Variants in CRYBG1 observed in about 807,000 individuals in gnomAD.
CRYBG1 encodes beta/gamma crystallin domain-containing protein 1.
In CRYBG1, 139 loss-of-function variants were observed where a neutral mutation model predicts 189.2. The ratio of observed to expected loss-of-function variants is 0.73; its 90% CI spans 0.64 to 0.85. The LOEUF is 0.85. CRYBG1 is among the 40% of genes least tolerant of loss of function. CRYBG1 has a pLI of 0.00. For missense variants in CRYBG1, 2,611 were observed against 2,675.8 expected (o/e 0.98, Z 0.53); for synonymous variants, 1,023 against 1,017.1 (o/e 1.01, Z -0.11).
Position 106,561,267 on chromosome 6 carries a change from TC to T in CRYBG1, c.5980-73del. The T allele has an allele frequency of 5.4e-6, 8 of 1,485,848 alleles. No homozygotes were observed. In the South Asian group the frequency reaches 1.0e-4, roughly 19 times the overall value. 92.0% of individuals were successfully genotyped at this position (1,485,848 alleles called of 1,614,324 possible). ...TAATCCATATCTCACTTTGGATTCT[TC>T]CTGATATTCATGCTTGTTCAGTGCT... On this transcript the variant is annotated intron_variant, in intron 19 of 21. Transcript: ENST00000633556.
chr6:106,530,915 A>G (rs35843244), intron 8 of CRYBG1, among the ~76,000 whole-genome samples: 35,247 of 152,240 alleles, frequency 0.23, 4,302 homozygotes, highest in South Asian at 0.35. Flanking sequence ...GAGATGCAGG[A>G]AAAAACACTA....
chr6:106,374,779 T>G (rs1048414988), intron 1 of CRYBG1, among the ~76,000 whole-genome samples: 2 of 152,192 alleles, frequency 1.3e-5, no homozygotes, highest in East Asian at 3.8e-4. Flanking sequence ...TATATATAGA[T>G]AGACACATTC....
In CRYBG1 at chr6:106,438,324, G is replaced by A. The variant is rs558049354; in HGVS notation, c.174-13370G>A. On this transcript the variant is annotated intron_variant, in intron 1 of 21. Coordinates refer to ENST00000633556, the MANE Select transcript of CRYBG1 (RefSeq NM_001371242.2). ...ATGCACATTCACGTTGGGGTAGCGTGGTATATTAGTTTCCTGGGGTAGCTA... is the reference window on the plus strand; with the variant it reads ...ATGCACATTCACGTTGGGGTAGCGTAGTATATTAGTTTCCTGGGGTAGCTA... 3.3e-5 allele frequency among the ~76,000 whole-genome samples: 5 copies of A among 152,284 alleles called. No homozygotes were observed. In the South Asian group the frequency reaches 1.0e-3, roughly 32 times the overall value.
chr6:106,521,123 C>T lies in CRYBG1; in HGVS notation c.3915C>T (p.Pro1305=), dbSNP rs200461385. 403 of 1,614,082 alleles carry T rather than the reference C, an allele frequency of 2.5e-4. 2 individuals are homozygous for T. In the East Asian group the frequency reaches 7.9e-3, roughly 32 times the overall value. Residue 1305 remains proline (P), a synonymous_variant, in exon 4 of 22, where the codon CCC becomes CCT. Transcript: ENST00000633556. ...GLNKEQSNLL[P]DNSLKVFNFN... ...ACAAAGAACAGTCAAATCTTCTGCC[C>T]GACAACTCCTTAAAGGTCTTCAATT...
intron 2 of CRYBG1, among the ~76,000 whole-genome samples, chr6:106,507,913 G>A (rs1296522526): frequency 6.6e-6 from 1 of 152,098 alleles, no homozygotes; most frequent in Non-Finnish European, 1.5e-5. Flanking sequence ...CCCTGTCAAC[G>A]AGTCTATCAT....
At chr6:106,490,579 AT>A (rs1257029956) in intron 2 of CRYBG1, among the ~76,000 whole-genome samples, 5 of 152,118 alleles carry the variant, frequency 3.3e-5, no homozygotes, top group African/African-American at 1.2e-4. Context: ...GTTTATATGA[AT>A]TTTTTTCCAA....
At chr6:106,404,261 T>C (rs1770774933) in intron 1 of CRYBG1, among the ~76,000 whole-genome samples, 1 of 152,220 alleles carries the variant, frequency 6.6e-6, no homozygotes, top group Non-Finnish European at 1.5e-5. Flanking sequence ...TCATCACTGG[T>C]CTGGCAATCT....
chr6:106,554,181 G>A (rs146468827), intron 16 of CRYBG1, among the ~76,000 whole-genome samples: 1 of 152,314 alleles, frequency 6.6e-6, no homozygotes, highest in African/African-American at 2.4e-5. Context: ...GGAGCAATCT[G>A]TGCAAGAGGT....
chr6:106,543,476 T>C lies in CRYBG1; in HGVS notation c.4918T>C (p.Cys1640Arg). 6.2e-7 allele frequency: 1 copy of C among 1,613,862 alleles called. No homozygotes were observed. Among genetic ancestry groups the C allele is most frequent in the Non-Finnish European group, 8.5e-7 (1 of 1,179,836 alleles). The change falls in exon 11 of 22, where the codon TGT (cysteine) becomes CGT (arginine). Residue 1640 changes from cysteine to arginine, a missense_variant. Physicochemically the swap from Cys to Arg is radical, Grantham distance 180. This residue lies in a region of CRYBG1 where 1,622 missense variants were observed against 1,735.0 expected (regional missense o/e 0.93). Coordinates refer to ENST00000633556, the MANE Select transcript of CRYBG1 (RefSeq NM_001371242.2). ...VYEKPFFEGK[C>R]VELETGMCSF... ...TGAAAAGCCTTTCTTTGAAGGAAAA[T>C]GTGTGGAACTAGAAACAGGAATGTG... is the stretch of plus-strand genomic sequence containing the variant.
At chr6:106,403,139 A>G (rs890024172) in intron 1 of CRYBG1, among the ~76,000 whole-genome samples, 1 of 152,130 alleles carries the variant, frequency 6.6e-6, no homozygotes, top group Non-Finnish European at 1.5e-5. Flanking sequence ...GTTTGAGACT[A>G]GCCTGGGCAA....
intron 2 of CRYBG1, among the ~76,000 whole-genome samples, chr6:106,483,725 T>C (rs1404781442): frequency 6.6e-6 from 1 of 152,162 alleles, no homozygotes; most frequent in East Asian, 1.9e-4. Flanking sequence ...TGGAATAAGG[T>C]GATAACTCAT....
intron 1 of CRYBG1, among the ~76,000 whole-genome samples, chr6:106,384,576 G>T (rs1372049130): frequency 6.6e-6 from 1 of 152,018 alleles, no homozygotes; most frequent in African/African-American, 2.4e-5. Flanking sequence ...CATTTTGCTT[G>T]CAGTCACTGA....
intron 1 of CRYBG1, among the ~76,000 whole-genome samples, chr6:106,441,080 G>A (rs1364579501): frequency 6.6e-6 from 1 of 152,142 alleles, no homozygotes; most frequent in African/African-American, 2.4e-5. Flanking sequence ...AATTAGACTT[G>A]ATGGAATTTG....
At chr6:106,491,477 T>C (rs1772721222) in intron 2 of CRYBG1, among the ~76,000 whole-genome samples, 1 of 152,166 alleles carries the variant, frequency 6.6e-6, no homozygotes, top group African/African-American at 2.4e-5. Context: ...TTGTGGCCAT[T>C]TCCACTGAGA....
At chr6:106,541,081 C>T (rs999387368) in intron 9 of CRYBG1, 1 of 323,268 alleles carries the variant, frequency 3.1e-6, no homozygotes, top group South Asian at 2.6e-5. Flanking sequence ...TTTCGTAAGC[C>T]CTGGTTGCAA....
At chr6:106,453,810 G>A (rs547533539) in intron 2 of CRYBG1, among the ~76,000 whole-genome samples, 1 of 152,316 alleles carries the variant, frequency 6.6e-6, no homozygotes, top group African/African-American at 2.4e-5. Context: ...CCAAGGCCAA[G>A]CCAAAAATGT....
intron 1 of CRYBG1, among the ~76,000 whole-genome samples, chr6:106,413,553 T>C (rs1770968862): frequency 6.6e-6 from 1 of 152,088 alleles, no homozygotes; most frequent in Non-Finnish European, 1.5e-5. Context: ...GGTGTGCACC[T>C]GTAATCCCAG....
At chr6:106,515,345 T>A (rs908866891) in intron 3 of CRYBG1, among the ~76,000 whole-genome samples, 1 of 152,238 alleles carries the variant, frequency 6.6e-6, no homozygotes, top group African/African-American at 2.4e-5. Context: ...CACAACTTAA[T>A]AGCACAGAAA....
intron 1 of CRYBG1, among the ~76,000 whole-genome samples, chr6:106,410,900 C>G (rs1396111572): frequency 2.6e-5 from 4 of 152,072 alleles, no homozygotes; most frequent in African/African-American, 9.7e-5. Flanking sequence ...AGGAGAAATA[C>G]CTAATGTAGA....
Sources: allele counts gnomAD v4.1 joint callset (sites outside exome capture counted in the v4.1 genomes callset), GRCh38; gene constraint gnomAD v4.1.1; regional missense constraint gnomAD v4.1.1; transcripts MANE v1.5; gene names NCBI Gene and HGNC (gene_info 2026-07-23, HGNC 2026-07-21).